Variants in CEP112 observed in about 807,000 individuals in gnomAD.
CEP112 encodes the protein centrosomal protein 112.
A neutral mutation model predicts 153.0 loss-of-function variants in CEP112; 127 were observed. That is an observed-to-expected ratio of 0.83 (90% confidence interval 0.72 to 0.96). The LOEUF (loss-of-function observed/expected upper bound fraction) is 0.96, where lower values mean the gene tolerates loss of function less well. CEP112 is among the 40% of genes least tolerant of loss of function. The probability of loss-of-function intolerance (pLI) is 0.00; values close to 1 mark genes in which losing one functional copy is unlikely to be tolerated. For missense variants in CEP112, 1,089 were observed against 1,101.2 expected, an observed-to-expected ratio of 0.99 and a Z score of 0.16; for synonymous variants, 358 against 374.4, an observed-to-expected ratio of 0.96 and a Z score of 0.51.
intron 21 of CEP112, among the ~76,000 whole-genome samples, chr17:65,768,584 A>C (rs2053142877): frequency 6.6e-6 from 1 of 152,138 alleles, no homozygotes; most frequent in African/African-American, 2.4e-5. Flanking sequence ...AACCAAATTC[A>C]ACAACACATC....
chr17:66,147,616 A>T (rs902461817), intron 4 of CEP112, among the ~76,000 whole-genome samples: 1 of 152,082 alleles, frequency 6.6e-6, no homozygotes, highest in Non-Finnish European at 1.5e-5. Context: ...GCTTTTCCCT[A>T]TGTCTTCCGT....
At chr17:65,939,324 C>T (rs2061440782) in intron 18 of CEP112, among the ~76,000 whole-genome samples, 1 of 152,068 alleles carries the variant, frequency 6.6e-6, no homozygotes, top group Non-Finnish European at 1.5e-5. Context: ...AAGCAATCTA[C>T]AGATTCAAGC....
chr17:65,922,221 C>T (rs1313953424), intron 19 of CEP112, among the ~76,000 whole-genome samples: 1 of 152,064 alleles, frequency 6.6e-6, no homozygotes, highest in Non-Finnish European at 1.5e-5. Flanking sequence ...TCACTTAATT[C>T]ATTTCTTATC....
At chr17:65,648,734 ATTT>A (rs1178007821) in intron 24 of CEP112, among the ~76,000 whole-genome samples, 1 of 152,172 alleles carries the variant, frequency 6.6e-6, no homozygotes, top group Non-Finnish European at 1.5e-5. Context: ...ACTAAAACAT[ATTT>A]TATGATGTTT....
At chr17:65,990,137 A>G (rs2063544860) in intron 17 of CEP112, among the ~76,000 whole-genome samples, 1 of 152,054 alleles carries the variant, frequency 6.6e-6, no homozygotes, top group Non-Finnish European at 1.5e-5. Context: ...AACACAAACA[A>G]CAAAATAATA....
chr17:65,740,315 G>C (rs2051057977), intron 23 of CEP112, among the ~76,000 whole-genome samples: 1 of 152,158 alleles, frequency 6.6e-6, no homozygotes, highest in African/African-American at 2.4e-5. Context: ...TTGACTGAAA[G>C]GATGAAAGCT....
chr17:65,999,029 AT>A (rs1368491891), intron 17 of CEP112, among the ~76,000 whole-genome samples: 1 of 152,142 alleles, frequency 6.6e-6, no homozygotes, highest in Admixed American at 6.5e-5. Flanking sequence ...CACGTTTGTT[AT>A]ATTTTAATTA....
chr17:66,125,605 C>G (rs192423011), intron 6 of CEP112, among the ~76,000 whole-genome samples: 3 of 151,938 alleles, frequency 2.0e-5, no homozygotes, highest in Admixed American at 2.0e-4. Flanking sequence ...CTAGATAAGA[C>G]AGCTGAAATT....
chr17:65,702,549 T>C (rs2048695459), intron 23 of CEP112, among the ~76,000 whole-genome samples: 1 of 152,232 alleles, frequency 6.6e-6, no homozygotes, highest in African/African-American at 2.4e-5. Context: ...AAAGACCACA[T>C]AATTTTTATC....
intron 23 of CEP112, among the ~76,000 whole-genome samples, chr17:65,732,237 G>A (rs2050550283): frequency 6.6e-6 from 1 of 152,162 alleles, no homozygotes; most frequent in Non-Finnish European, 1.5e-5. Flanking sequence ...CTCCATCAGA[G>A]CTCTTGGGTG....
intron 21 of CEP112, among the ~76,000 whole-genome samples, chr17:65,799,245 A>G (rs902175815): frequency 1.3e-5 from 2 of 152,218 alleles, no homozygotes; most frequent in African/African-American, 2.4e-5. Context: ...GGCTAACAAG[A>G]ATATCTACCA....
chr17:65,990,389 A>G (rs2063552835), intron 17 of CEP112, among the ~76,000 whole-genome samples: 1 of 152,246 alleles, frequency 6.6e-6, no homozygotes, highest in Non-Finnish European at 1.5e-5. Flanking sequence ...GATACATCAA[A>G]GAGGGCAGGA....
chr17:66,096,328 T>G lies in CEP112; in HGVS notation c.691A>C (p.Met231Leu). 2 of 1,612,562 alleles carry G rather than the reference T, an allele frequency of 1.2e-6. No individual in the cohort carries two copies. Among genetic ancestry groups the G allele is most frequent in the South Asian group, 2.2e-5 (2 of 90,874 alleles). ...LRQKPIPVSLMTPKFSLRKSS... is the reference protein window; with the variant it reads ...LRQKPIPVSLLTPKFSLRKSS... ...TTTCTCAGGCTGAATTTCGGTGTCA[T>G]CTGCTAAATGAACAGGAGTTATTTA... Residue 231 changes from methionine (M) to leucine (L), a missense_variant and splice_region_variant, in exon 8 of 27, where the codon ATG becomes CTG. Coordinates refer to ENST00000535342, the MANE Select transcript of CEP112 (RefSeq NM_001199165.4).
chr17:65,806,503 G>A (rs919828091), intron 21 of CEP112, among the ~76,000 whole-genome samples: 11 of 152,310 alleles, frequency 7.2e-5, no homozygotes, highest in Middle Eastern at 3.4e-3. Flanking sequence ...ATATGGTTTG[G>A]CTCTGTGTCC....
At chr17:65,984,025 G>A (rs1046688736) in intron 17 of CEP112, among the ~76,000 whole-genome samples, 5 of 151,998 alleles carry the variant, frequency 3.3e-5, no homozygotes, top group African/African-American at 1.2e-4. Context: ...GCTTATTTCA[G>A]TCTAGATACC....
intron 25 of CEP112, 122 bp downstream of exon 25, chr17:65,640,842 T>A: frequency 1.5e-6 from 1 of 667,150 alleles, no homozygotes; most frequent in Non-Finnish European, 2.7e-6. Flanking sequence ...TTATCCTGAG[T>A]AGTAGGTTAT....
intron 20 of CEP112, among the ~76,000 whole-genome samples, chr17:65,868,007 A>G (rs2058540486): frequency 6.6e-6 from 1 of 151,784 alleles, no homozygotes; most frequent in Non-Finnish European, 1.5e-5. Flanking sequence ...AAATCGAAGT[A>G]TATATTTATT....
chr17:65,775,041 G>C (rs1025851673), intron 21 of CEP112, among the ~76,000 whole-genome samples: 2 of 152,094 alleles, frequency 1.3e-5, no homozygotes, highest in African/African-American at 2.4e-5. Context: ...TTGATGTGGC[G>C]AGTGGGCGGG....
chr17:65,893,562 A>G (rs1013755573), intron 20 of CEP112, among the ~76,000 whole-genome samples: 5 of 152,162 alleles, frequency 3.3e-5, no homozygotes, highest in Non-Finnish European at 5.9e-5. Context: ...TTTCAACTAA[A>G]AAACATTATC....
Sources: gnomAD v4.1 joint callset for allele counts (sites outside exome capture counted in the v4.1 genomes callset) on GRCh38, gnomAD v4.1.1 for gene constraint, MANE v1.5 for transcripts, NCBI Gene and HGNC (gene_info 2026-07-23, HGNC 2026-07-21) for gene names.